MALRD1: variants seen among roughly 807,000 people sequenced by gnomAD.
MALRD1 encodes MAM and LDL-receptor class A domain-containing protein 1.
Under a neutral mutation model 242.1 loss-of-function variants are expected in MALRD1, and 247 were observed. That is an observed-to-expected ratio of 1.02 (90% CI 0.92 to 1.13). MALRD1 has a LOEUF of 1.13. Ranked by LOEUF, MALRD1 falls within the 50% of genes most tolerant of loss-of-function variation. The pLI, the probability that MALRD1 is intolerant of heterozygous loss-of-function variation, is 0.00. For missense variants in MALRD1, 2,989 were observed against 2,533.1 expected (o/e 1.18, Z -3.86); for synonymous variants, 995 against 866.6 (o/e 1.15, Z -2.60).
intron 33 of MALRD1, among the ~76,000 whole-genome samples, chr10:19,592,761 ACGCACG>A (rs1314130318): frequency 6.0e-5 from 8 of 132,814 alleles, no homozygotes; most frequent in African/African-American, 2.1e-4. Context: ...ACACACACAC[ACGCACG>A]CACACACACA....
intron 21 of MALRD1, among the ~76,000 whole-genome samples, chr10:19,321,852 T>A (rs1219942475): frequency 6.6e-6 from 1 of 152,160 alleles, no homozygotes; most frequent in Non-Finnish European, 1.5e-5. Context: ...TTGGGGGACA[T>A]GATTTAATCC....
At chr10:19,260,410 T>C (rs16918430) in intron 19 of MALRD1, among the ~76,000 whole-genome samples, 2,322 of 152,262 alleles carry the variant, frequency 0.015, 63 homozygotes, top group African/African-American at 0.053. Flanking sequence ...AAGTCCCTAT[T>C]TGACACATTT....
At chr10:19,169,476 A>G (rs1470299682) in intron 13 of MALRD1, among the ~76,000 whole-genome samples, 1 of 152,222 alleles carries the variant, frequency 6.6e-6, no homozygotes, top group Non-Finnish European at 1.5e-5. Context: ...AATACAGCTC[A>G]GGATTAACTA....
intron 18 of MALRD1, among the ~76,000 whole-genome samples, chr10:19,237,420 A>C (rs1838369682): frequency 6.7e-6 from 1 of 148,878 alleles, no homozygotes; most frequent in Non-Finnish European, 1.5e-5. Context: ...TATTTCACTT[A>C]ACATTGTATC....
At position 19,108,715 on chromosome 10, in the gene MALRD1, C is replaced by T. The variant is rs1329105499; in HGVS notation, c.694+4640C>T. 6.4e-4 allele frequency among the ~76,000 whole-genome samples: 17 copies of T among 26,736 alleles called. 4 individuals are homozygous for T. In the East Asian group the frequency reaches 0.012, roughly 18 times the overall value. 17.5% of individuals were successfully genotyped at this position (26,736 alleles called of 152,430 possible). A position where few individuals can be genotyped will look rare whatever the true frequency, so the allele number is the denominator to read the frequency against. ...TACAGGCGTGAGCCACCGCGCCCGG[C>T]CGTTTTTTCTAATTTTATTGAATTG... On this transcript the variant is annotated intron_variant, in intron 5 of 39. Transcript: ENST00000454679.
rs939690698 is a variant in MALRD1 at position 19,217,950 on chromosome 10, T to C, written c.2991+8270T>C. Reference sequence around the variant, plus strand: ...CCAGAAGCTGCATGCTAAATGTTTGTTGAGTGGCTGTTTGACTGAATGATT... The same window carrying C: ...CCAGAAGCTGCATGCTAAATGTTTGCTGAGTGGCTGTTTGACTGAATGATT... On this transcript the variant is annotated intron_variant, in intron 18 of 39. Coordinates refer to ENST00000454679, the MANE Select transcript of MALRD1 (RefSeq NM_001142308.3). Among the ~76,000 whole-genome samples, 18 of 152,184 alleles carry C rather than the reference T, an allele frequency of 1.2e-4. 1 individual carries two copies. The highest frequency in any genetic ancestry group is 1.1e-3 in the Admixed American group (17 of 15,286).
intron 38 of MALRD1, among the ~76,000 whole-genome samples, chr10:19,695,976 A>C (rs139763531): frequency 6.6e-6 from 1 of 152,226 alleles, no homozygotes; most frequent in African/African-American, 2.4e-5. Flanking sequence ...CCGCCAAGTC[A>C]CTCCAATGAC....
intron 28 of MALRD1, among the ~76,000 whole-genome samples, chr10:19,392,440 T>C (rs904033454): frequency 1.3e-5 from 2 of 152,168 alleles, no homozygotes; most frequent in African/African-American, 4.8e-5. Context: ...GAATATTTTT[T>C]AGAAAAAAAC....
chr10:19,702,826 C>T (rs1346439812), intron 38 of MALRD1, among the ~76,000 whole-genome samples: 2 of 152,120 alleles, frequency 1.3e-5, no homozygotes, highest in Non-Finnish European at 2.9e-5. Context: ...ATCACCCTCT[C>T]GAAATTAACC....
chr10:19,284,295 C>T (rs1296319965), intron 21 of MALRD1, among the ~76,000 whole-genome samples: 3 of 150,566 alleles, frequency 2.0e-5, no homozygotes, highest in South Asian at 2.1e-4. Context: ...TACATGTGCA[C>T]ATTGTGCAGG....
intron 30 of MALRD1, among the ~76,000 whole-genome samples, chr10:19,495,662 A>C (rs1419079971): frequency 6.6e-6 from 1 of 151,426 alleles, no homozygotes; most frequent in African/African-American, 2.4e-5. Context: ...AAGCAACCAG[A>C]CAAACAAATC....
At chr10:19,273,400 AATG>A (rs1166420861) in intron 19 of MALRD1, among the ~76,000 whole-genome samples, 1 of 152,180 alleles carries the variant, frequency 6.6e-6, no homozygotes, top group Non-Finnish European at 1.5e-5. Flanking sequence ...TATTTACCCA[AATG>A]AGTATATTCA....
chr10:19,692,165 C>G, intron 36 of MALRD1, 117 bp from the exon 37 acceptor site: 1 of 776,140 alleles, frequency 1.3e-6, no homozygotes, highest in Non-Finnish European at 1.9e-6. Context: ...TCAAAGTTAT[C>G]CATGTTCCTA....
chr10:19,438,652 C>T (rs1443422505), intron 28 of MALRD1, among the ~76,000 whole-genome samples: 4 of 152,176 alleles, frequency 2.6e-5, no homozygotes, highest in Non-Finnish European at 5.9e-5. Context: ...TTTGCCTCTT[C>T]ACCAACACTT....
intron 18 of MALRD1, among the ~76,000 whole-genome samples, chr10:19,249,927 C>T (rs889013770): frequency 6.6e-6 from 1 of 151,642 alleles, no homozygotes; most frequent in Non-Finnish European, 1.5e-5. Context: ...TACATAGAAA[C>T]ATAAAAATGG....
chr10:19,578,585 G>T (rs1394371878), intron 33 of MALRD1, among the ~76,000 whole-genome samples: 1 of 152,112 alleles, frequency 6.6e-6, no homozygotes, highest in Non-Finnish European at 1.5e-5. Flanking sequence ...TCAACTACTT[G>T]GGAAGATGAG....
intron 32 of MALRD1, among the ~76,000 whole-genome samples, chr10:19,532,409 C>T (rs972965493): frequency 1.3e-5 from 2 of 152,042 alleles, no homozygotes; most frequent in Non-Finnish European, 2.9e-5. Flanking sequence ...CATGCATCAC[C>T]ACGTCCAGCT....
chr10:19,693,780 G>C (rs911274365), intron 38 of MALRD1, among the ~76,000 whole-genome samples: 10 of 152,060 alleles, frequency 6.6e-5, no homozygotes, highest in South Asian at 4.2e-4. Context: ...CAATCCTAAG[G>C]CAAAAGAACA....
chr10:19,350,140 T>C (rs906704519), intron 25 of MALRD1, among the ~76,000 whole-genome samples: 4 of 152,100 alleles, frequency 2.6e-5, no homozygotes, highest in Admixed American at 6.6e-5. Context: ...CCTCTGCCCC[T>C]TCATCTTGTG....
Sources: gnomAD v4.1 joint callset for allele counts (sites outside exome capture counted in the v4.1 genomes callset) on GRCh38, gnomAD v4.1.1 for gene constraint, MANE v1.5 for transcripts, NCBI Gene and HGNC (gene_info 2026-07-23, HGNC 2026-07-21) for gene names.